The following CHST15 variants were observed in gnomAD, a reference collection of about 807,000 sequenced individuals.
CHST15 encodes the protein B cell RAG associated protein (GALNAC4S-6ST).
In CHST15, 30 loss-of-function variants were observed where a neutral mutation model predicts 53.6. That is an observed-to-expected ratio of 0.56 (90% CI 0.42 to 0.76). CHST15 has a LOEUF of 0.76. CHST15 is among the 30% of genes least tolerant of loss of function. The pLI, the probability that CHST15 is intolerant of heterozygous loss-of-function variation, is 0.00. For synonymous variants in CHST15, 296 were observed against 289.8 expected (o/e 1.02, Z -0.22); for missense variants, 627 against 740.5 (o/e 0.85, Z 1.78).
chr10:124,025,676 C>G (rs928077812), intron 5 of CHST15, among the ~76,000 whole-genome samples: 3 of 152,190 alleles, frequency 2.0e-5, no homozygotes, highest in African/African-American at 7.2e-5. Flanking sequence ...GAAATAGGGT[C>G]TTTGCAGATG....
chr10:124,033,336 T>C (rs1590220631), intron 5 of CHST15, among the ~76,000 whole-genome samples: 1 of 152,206 alleles, frequency 6.6e-6, no homozygotes, highest in Non-Finnish European at 1.5e-5. Flanking sequence ...TAAACACACT[T>C]CCTCTGCCAC....
At position 124,040,330 on chromosome 10, in the gene CHST15, C is replaced by T. The variant is rs187192991; in HGVS notation, c.1034-1659G>A. ...AGGGACAGATCAGGGGAGGAAAGCACGGCCCCTCCTCTCTCGGACCTTAAG... is the reference window on the plus strand; with the variant it reads ...AGGGACAGATCAGGGGAGGAAAGCATGGCCCCTCCTCTCTCGGACCTTAAG... On this transcript the variant is annotated intron_variant, in intron 4 of 7. Coordinates refer to ENST00000435907, the MANE Select transcript of CHST15 (RefSeq NM_001270764.2). Among the ~76,000 whole-genome samples, 33 of 152,284 alleles carry T rather than the reference C, an allele frequency of 2.2e-4. No individual in the cohort carries two copies. In the East Asian group the frequency reaches 4.1e-3, roughly 19 times the overall value.
At chr10:124,093,268 C>CACCGCA (rs1010744615) in intron 1 of CHST15, among the ~76,000 whole-genome samples, 2 of 151,632 alleles carry the variant, frequency 1.3e-5, no homozygotes, top group African/African-American at 4.8e-5. Context: ...CCGCCACCGC[C>CACCGCA]ACCACCGCGC....
intron 1 of CHST15, among the ~76,000 whole-genome samples, chr10:124,084,325 C>T (rs934576314): frequency 6.6e-6 from 1 of 152,172 alleles, no homozygotes; most frequent in Non-Finnish European, 1.5e-5. Flanking sequence ...AGGGAGGTTG[C>T]CAGTTGGGGG....
chr10:124,060,203 C>T (rs1220307607), intron 1 of CHST15, among the ~76,000 whole-genome samples: 1 of 150,922 alleles, frequency 6.6e-6, no homozygotes, highest in African/African-American at 2.4e-5. Flanking sequence ...TCCAACCCTC[C>T]CCCGTGTGTG....
At chr10:124,028,107 C>T (rs938090725) in intron 5 of CHST15, among the ~76,000 whole-genome samples, 2 of 152,170 alleles carry the variant, frequency 1.3e-5, no homozygotes, top group South Asian at 4.1e-4. Flanking sequence ...TTAGGATAAA[C>T]GTGAGGAACT....
intron 1 of CHST15, among the ~76,000 whole-genome samples, chr10:124,062,221 C>T (rs145279605): frequency 3.3e-5 from 5 of 152,238 alleles, no homozygotes; most frequent in Admixed American, 2.6e-4. Context: ...GACAATGTGA[C>T]CCCAGAGGAT....
chr10:124,051,391 G>A lies in CHST15; in HGVS notation c.-512-4667C>T, dbSNP rs74908208. Among the ~76,000 whole-genome samples, 656 of 152,288 alleles carry A rather than the reference G, an allele frequency of 4.3e-3. 5 individuals carry two copies. The highest frequency in any genetic ancestry group is 0.015 in the African/African-American group (625 of 41,542). ...TGAAAGGAAAATGGATTGCTGTTAC[G>A]TTCTGTATCTGGCCTTTTCCGTAGG... On this transcript the variant is annotated intron_variant, in intron 1 of 7. Transcript: ENST00000435907.
At chr10:124,070,786 G>A (rs905926412) in intron 1 of CHST15, among the ~76,000 whole-genome samples, 2 of 152,110 alleles carry the variant, frequency 1.3e-5, no homozygotes, top group Admixed American at 6.5e-5. Flanking sequence ...AGGCTGGTGG[G>A]GAGGCTTCCA....
chr10:124,051,069 G>A lies in CHST15; in HGVS notation c.-512-4345C>T, dbSNP rs537538004. On this transcript the variant is annotated intron_variant, in intron 1 of 7. Transcript: ENST00000435907. ...AGCGATTCTCCTGTCTCAGCCTCCC[G>A]AGTACTGAGATTACAGGCATGCATC... is the stretch of plus-strand genomic sequence containing the variant. Among the ~76,000 whole-genome samples, 492 of 152,116 alleles carry A rather than the reference G, an allele frequency of 3.2e-3. 7 individuals carry two copies. Among genetic ancestry groups the A allele is most frequent in the African/African-American group, 0.011 (471 of 41,482 alleles).
chr10:124,031,524 T>C lies in CHST15; in HGVS notation c.1190+6991A>G, dbSNP rs562687917. On this transcript the variant is annotated intron_variant, in intron 5 of 7. Coordinates refer to ENST00000435907, the MANE Select transcript of CHST15 (RefSeq NM_001270764.2). The stretch of plus-strand genomic sequence containing the variant: ...TAACATAAGAGTTAGAATTTATGTA[T>C]TGAAGCATAGAAAAGGCACAATGAA... 7.9e-5 allele frequency among the ~76,000 whole-genome samples: 12 copies of C among 152,292 alleles called. No individual in the cohort carries two copies. The South Asian group carries it at 1.0e-3, about 13-fold the overall frequency.
intron 5 of CHST15, 152 bp from the exon 6 acceptor site, chr10:124,021,564 C>T: frequency 7.3e-7 from 1 of 1,368,932 alleles, no homozygotes; most frequent in Non-Finnish European, 9.7e-7. Context: ...TGAGCCACCT[C>T]CCTCATCCCT....
intron 1 of CHST15, among the ~76,000 whole-genome samples, chr10:124,089,844 C>T (rs898791473): frequency 6.6e-6 from 1 of 152,210 alleles, no homozygotes; most frequent in Non-Finnish European, 1.5e-5. Context: ...GGGACCCTGT[C>T]TGTCCTAGCC....
At chr10:124,075,116 A>G (rs1351215399) in intron 1 of CHST15, among the ~76,000 whole-genome samples, 1 of 152,258 alleles carries the variant, frequency 6.6e-6, no homozygotes, top group Non-Finnish European at 1.5e-5. Context: ...TTGCTTTTGA[A>G]AGTGAAAACA....
rs1590188005 is a variant in CHST15 at position 124,019,352 on chromosome 10, C to T, written c.1347+1904G>A. 1.3e-5 allele frequency among the ~76,000 whole-genome samples: 2 copies of T among 152,172 alleles called. No individual in the cohort carries two copies. The highest frequency in any genetic ancestry group is 2.9e-5 in the Non-Finnish European group (2 of 68,028). On this transcript the variant is annotated intron_variant, in intron 6 of 7. Coordinates refer to ENST00000435907, the MANE Select transcript of CHST15 (RefSeq NM_001270764.2). The surrounding 1 kb of genome is among the most constrained non-coding windows in gnomAD (Gnocchi z 4.6). ...CCTGCCTGCTCTCTCAGACTCACTC[C>T]GTAGGGGTCCAGGGCCAAGAGTCAC... is the stretch of plus-strand genomic sequence containing the variant.
chr10:124,029,618 T>G (rs1393460944), intron 5 of CHST15, among the ~76,000 whole-genome samples: 1 of 152,228 alleles, frequency 6.6e-6, no homozygotes, highest in African/African-American at 2.4e-5. Context: ...ACAAAGCACC[T>G]TCTCGTGATT....
At chr10:124,030,864 C>T (rs1312858085) in intron 5 of CHST15, among the ~76,000 whole-genome samples, 1 of 152,236 alleles carries the variant, frequency 6.6e-6, no homozygotes, top group East Asian at 1.9e-4. Context: ...AGGCATGAAT[C>T]CGGCTCAGCT....
rs1394998809 is a variant in CHST15, at chr10:124,016,589, C to G, written c.1348-4109G>C. ...GCCCAGGCCTCCTGCCAGCAAAACC[C>G]TTTGCTTTTAGGAGCCAGCTAGGGA... On this transcript the variant is annotated intron_variant, in intron 6 of 7. Transcript: ENST00000435907. Among the ~76,000 whole-genome samples the G allele has an allele frequency of 2.0e-5, 3 of 152,174 alleles. No individual in the cohort carries two copies. The East Asian group carries it at 5.8e-4, about 29-fold the overall frequency.
chr10:124,016,699 C>T (rs929764458), intron 6 of CHST15, among the ~76,000 whole-genome samples: 7 of 152,178 alleles, frequency 4.6e-5, no homozygotes, highest in Admixed American at 3.3e-4. Flanking sequence ...GATGGGAGAA[C>T]TAACCTCTGT....
Sources: allele counts gnomAD v4.1 joint callset (sites outside exome capture counted in the v4.1 genomes callset), GRCh38; gene constraint gnomAD v4.1.1; non-coding constraint Gnocchi (gnomAD v3.1); transcripts MANE v1.5; gene names NCBI Gene and HGNC (gene_info 2026-07-23, HGNC 2026-07-21).